Variants in HSPB9 observed in about 807,000 individuals in gnomAD.
The protein encoded by HSPB9 is heat shock protein family B (small) member 9.
For missense variants in HSPB9, 203 were observed against 213.4 expected, an observed-to-expected ratio of 0.95 and a Z score of 0.30; for synonymous variants, 98 against 92.7, an observed-to-expected ratio of 1.06 and a Z score of -0.33.
At position 42,123,247 on chromosome 17, in the gene HSPB9, G is replaced by T; in HGVS notation, c.397G>T (p.Ala133Ser). The stretch of plus-strand genomic sequence containing the variant: ...GCTGTGGGTCAGAGGCCAGTGTGTG[G>T]CGCTGGCCCTCCCTGAAGCCCAAAC... ...GQLWVRGQCVALALPEAQTGP... is the reference protein window; with the variant it reads ...GQLWVRGQCVSLALPEAQTGP... The change falls in exon 1 of 1, where the codon GCG becomes TCG. Residue 133 changes from alanine to serine, a missense_variant. Physicochemically the swap from Ala to Ser is moderately conservative, Grantham distance 99. Coordinates refer to ENST00000565659, the MANE Select transcript of HSPB9 (RefSeq NM_033194.3). 6.2e-7 allele frequency: 1 copy of T among 1,613,222 alleles called. No homozygotes were observed. Among genetic ancestry groups the T allele is most frequent in the Non-Finnish European group, 8.5e-7 (1 of 1,180,016 alleles).
chr17:42,123,208 A>C lies in HSPB9; in HGVS notation c.358A>C (p.Thr120Pro). The C allele has an allele frequency of 3.1e-6, 5 of 1,613,474 alleles. No homozygotes were observed. Among genetic ancestry groups the C allele is most frequent in the Non-Finnish European group, 4.2e-6 (5 of 1,179,918 alleles). The change falls in exon 1 of 1, where the codon ACC becomes CCC. Residue 120 changes from threonine to proline, a missense_variant. Thr to Pro is a conservative substitution (Grantham distance 38). Transcript: ENST00000565659. Reference sequence around the variant, plus strand: ...TCCTACCGCCATGACCTGCTGCCTGACCCCCTCCGGGCAGCTGTGGGTCAG... The same window carrying C: ...TCCTACCGCCATGACCTGCTGCCTGCCCCCCTCCGGGCAGCTGTGGGTCAG... ...LSPTAMTCCL[T>P]PSGQLWVRGQ...
chr17:42,122,819 C>T lies in HSPB9; in HGVS notation c.-32C>T, dbSNP rs782688330. 6.3e-7 allele frequency: 1 copy of T among 1,585,064 alleles called. No homozygotes were observed. The highest frequency in any genetic ancestry group is 2.2e-5 in the East Asian group (1 of 44,520). ...GCCTAGCTCTGCGCTGGGAGCCTCG[C>T]GCCCTTTGACAGCAGTTAGTTGCTG... On this transcript the variant is annotated 5_prime_UTR_variant, in exon 1 of 1. Coordinates refer to ENST00000565659, the MANE Select transcript of HSPB9 (RefSeq NM_033194.3).
rs61746680 is a variant in HSPB9, at chr17:42,123,150, G to A, written c.300G>A (p.Lys100=). ...PERVSYRMSQ[K]VHRKMLPSNL... ...GGGTCAGTTACCGCATGTCACAGAA[G>A]GTGCACCGGAAAATGCTCCCGTCCA... The change falls in exon 1 of 1, where the codon AAG becomes AAA. Residue 100 remains lysine (K), a synonymous_variant. Coordinates refer to ENST00000565659, the MANE Select transcript of HSPB9 (RefSeq NM_033194.3). The A allele has an allele frequency of 1.2e-6, 2 of 1,614,052 alleles. No homozygotes were observed. Among genetic ancestry groups the A allele is most frequent in the African/African-American group, 2.7e-5 (2 of 74,926 alleles).
rs1122326 is a variant in HSPB9 at position 42,122,855 on chromosome 17, A to C, written c.5A>C (p.Gln2Pro). 0.24 allele frequency: 387,519 copies of C among 1,604,988 alleles called. 52,820 individuals carry two copies. Among genetic ancestry groups the C allele is most frequent in the African/African-American group, 0.61 (45,741 of 74,852 alleles). ...AGCAGTTAGTTGCTGACTCGGATGC[A>C]GAGAGTCGGTAACACCTTCTCCAAC... MQRVGNTFSNES... is the reference protein window; with the variant it reads MPRVGNTFSNES... The change falls in exon 1 of 1, where the codon CAG becomes CCG. Residue 2 changes from glutamine (Q) to proline (P), a missense_variant. Physicochemically the swap from Gln to Pro is moderately conservative, Grantham distance 76. Transcript: ENST00000565659.
At position 42,123,135 on chromosome 17, in the gene HSPB9, C is replaced by T; in HGVS notation, c.285C>T (p.Tyr95=). Residue 95 remains tyrosine (Y), a synonymous_variant, in exon 1 of 1, where the codon TAC becomes TAT. Transcript: ENST00000565659. ...TCAGGGACCCGGAAAGGGTCAGTTA[C>T]CGCATGTCACAGAAGGTGCACCGGA... ...LDVRDPERVS[Y]RMSQKVHRKM... The T allele has an allele frequency of 1.2e-6, 2 of 1,614,182 alleles. No individual in the cohort carries two copies. Among genetic ancestry groups the T allele is most frequent in the Non-Finnish European group, 1.7e-6 (2 of 1,180,024 alleles).
chr17:42,122,896 T>C lies in HSPB9; in HGVS notation c.46T>C (p.Ser16Pro). The change falls in exon 1 of 1, where the codon TCC becomes CCC. Residue 16 changes from serine (S) to proline (P), a missense_variant. Transcript: ENST00000565659. ...NTFSNESRVA[S>P]RCPSVGLAER... Reference sequence around the variant, plus strand: ...CTTCTCCAACGAGAGCCGGGTGGCATCCCGGTGTCCCAGCGTGGGCCTTGC... The same window carrying C: ...CTTCTCCAACGAGAGCCGGGTGGCACCCCGGTGTCCCAGCGTGGGCCTTGC... 6.2e-7 allele frequency: 1 copy of C among 1,613,296 alleles called. No homozygotes were observed. The highest frequency in any genetic ancestry group is 8.5e-7 in the Non-Finnish European group (1 of 1,179,536).
In HSPB9 at chr17:42,122,823, C is replaced by G; in HGVS notation, c.-28C>G. ...AGCTCTGCGCTGGGAGCCTCGCGCC[C>G]TTTGACAGCAGTTAGTTGCTGACTC... On this transcript the variant is annotated 5_prime_UTR_variant, in exon 1 of 1. Coordinates refer to ENST00000565659, the MANE Select transcript of HSPB9 (RefSeq NM_033194.3). The G allele has an allele frequency of 6.3e-7, 1 of 1,592,158 alleles. No homozygotes were observed.
Position 42,123,024 on chromosome 17 carries a change from G to C in HSPB9, c.174G>C (p.Leu58=). ...CCAGAGACGGTTTCCAAATGAAGCT[G>C]GATGCCCACGGCTTCGCCCCGGAGG... The part of the protein sequence containing the change: ...DHARDGFQMK[L]DAHGFAPEEL... The change falls in exon 1 of 1, where the codon CTG becomes CTC. Residue 58 remains leucine (L), a synonymous_variant. Coordinates refer to ENST00000565659, the MANE Select transcript of HSPB9 (RefSeq NM_033194.3). 1 of 1,614,246 alleles carries C rather than the reference G, an allele frequency of 6.2e-7. No individual in the cohort carries two copies. The highest frequency in any genetic ancestry group is 1.1e-5 in the South Asian group (1 of 91,088).
rs2054369886 is a variant in HSPB9, at chr17:42,122,849, GGATGCA to G, written c.2_7del (p.MetGln1_?2). 1 of 1,603,960 alleles carries G rather than the reference GGATGCA, an allele frequency of 6.2e-7. No homozygotes were observed. Among genetic ancestry groups the G allele is most frequent in the Non-Finnish European group, 8.5e-7 (1 of 1,173,088 alleles). On this transcript the variant is annotated start_lost and 5_prime_UTR_variant, in exon 1 of 1. Coordinates refer to ENST00000565659, the MANE Select transcript of HSPB9 (RefSeq NM_033194.3). ...TTTGACAGCAGTTAGTTGCTGACTC[GGATGCA>G]GAGAGTCGGTAACACCTTCTCCAAC...
chr17:42,123,189 C>A lies in HSPB9; in HGVS notation c.339C>A (p.Thr113=), dbSNP rs1247152628. 2.8e-5 allele frequency: 45 copies of A among 1,613,996 alleles called. No homozygotes were observed. The highest frequency in any genetic ancestry group is 3.7e-5 in the Non-Finnish European group (44 of 1,180,044). ...RKMLPSNLSP[T]AMTCCLTPSG... ...TGCTCCCGTCCAACCTGAGTCCTAC[C>A]GCCATGACCTGCTGCCTGACCCCCT... Residue 113 remains threonine (T), a synonymous_variant, in exon 1 of 1, where the codon ACC becomes ACA. Coordinates refer to ENST00000565659, the MANE Select transcript of HSPB9 (RefSeq NM_033194.3).
rs545316286 is a variant in HSPB9 at position 42,123,337 on chromosome 17, G to C, written c.*7G>C. On this transcript the variant is annotated 3_prime_UTR_variant, in exon 1 of 1. Transcript: ENST00000565659. ...TTCCAACCTGACCCGGTAAACAAAC[G>C]ACGCGATGTGCAGCAGCCTTGGTGT... is the stretch of plus-strand genomic sequence containing the variant. 2 of 1,596,466 alleles carry C rather than the reference G, an allele frequency of 1.3e-6. No homozygotes were observed. The highest frequency in any genetic ancestry group is 1.3e-5 in the African/African-American group (1 of 74,696).
chr17:42,122,893 G>T lies in HSPB9; in HGVS notation c.43G>T (p.Ala15Ser), dbSNP rs1225189387. ...GNTFSNESRVASRCPSVGLAE... is the reference protein window; with the variant it reads ...GNTFSNESRVSSRCPSVGLAE... Reference sequence around the variant, plus strand: ...CACCTTCTCCAACGAGAGCCGGGTGGCATCCCGGTGTCCCAGCGTGGGCCT... The same window carrying T: ...CACCTTCTCCAACGAGAGCCGGGTGTCATCCCGGTGTCCCAGCGTGGGCCT... Residue 15 changes from alanine to serine, a missense_variant, in exon 1 of 1, where the codon GCA (alanine) becomes TCA (serine). Coordinates refer to ENST00000565659, the MANE Select transcript of HSPB9 (RefSeq NM_033194.3). 1.3e-5 allele frequency: 21 copies of T among 1,613,034 alleles called. No individual in the cohort carries two copies. Among genetic ancestry groups the T allele is most frequent in the Non-Finnish European group, 1.8e-5 (21 of 1,179,468 alleles).
chr17:42,123,243 T>C lies in HSPB9; in HGVS notation c.393T>C (p.Cys131=). The change falls in exon 1 of 1, where the codon TGT becomes TGC. Residue 131 remains cysteine (C), a synonymous_variant. Coordinates refer to ENST00000565659, the MANE Select transcript of HSPB9 (RefSeq NM_033194.3). ...GGCAGCTGTGGGTCAGAGGCCAGTG[T>C]GTGGCGCTGGCCCTCCCTGAAGCCC... The part of the protein sequence containing the change: ...PSGQLWVRGQ[C]VALALPEAQT... 3.1e-6 allele frequency: 5 copies of C among 1,613,316 alleles called. No individual in the cohort carries two copies. The highest frequency in any genetic ancestry group is 4.2e-6 in the Non-Finnish European group (5 of 1,179,994).
Position 42,122,816 on chromosome 17 carries a change from T to C in HSPB9, c.-35T>C, listed in dbSNP as rs782508828. On this transcript the variant is annotated 5_prime_UTR_variant, in exon 1 of 1. Transcript: ENST00000565659. ...TGCGCCTAGCTCTGCGCTGGGAGCC[T>C]CGCGCCCTTTGACAGCAGTTAGTTG... 6.3e-7 allele frequency: 1 copy of C among 1,582,508 alleles called. No individual in the cohort carries two copies. The highest frequency in any genetic ancestry group is 1.2e-5 in the South Asian group (1 of 86,212).
chr17:42,123,250 C>A lies in HSPB9; in HGVS notation c.400C>A (p.Leu134Met), dbSNP rs373080876. 3 of 1,613,080 alleles carry A rather than the reference C, an allele frequency of 1.9e-6. No individual in the cohort carries two copies. The highest frequency in any genetic ancestry group is 2.2e-5 in the South Asian group (2 of 91,086). Residue 134 changes from leucine to methionine, a missense_variant, in exon 1 of 1, where the codon CTG becomes ATG. Physicochemically the swap from Leu to Met is conservative, Grantham distance 15. Transcript: ENST00000565659. ...QLWVRGQCVALALPEAQTGPS... is the reference protein window; with the variant it reads ...QLWVRGQCVAMALPEAQTGPS... Reference sequence around the variant, plus strand: ...GTGGGTCAGAGGCCAGTGTGTGGCGCTGGCCCTCCCTGAAGCCCAAACAGG... The same window carrying A: ...GTGGGTCAGAGGCCAGTGTGTGGCGATGGCCCTCCCTGAAGCCCAAACAGG...
the HSPB9 span, chr17:42,122,957 TGCTCAGGGACAGTCCAGCG>T: frequency 1.2e-6 from 2 of 1,614,108 alleles, no homozygotes; most frequent in Non-Finnish European, 1.7e-6. Flanking sequence ...CCGGTGCGGC[TGCTCAGGGACAGTCCAGCG>T]GCTCAGGAGG....
chr17:42,123,239 A>T lies in HSPB9; in HGVS notation c.389A>T (p.Gln130Leu). 2 of 1,613,344 alleles carry T rather than the reference A, an allele frequency of 1.2e-6. No homozygotes were observed. Among genetic ancestry groups the T allele is most frequent in the Non-Finnish European group, 1.7e-6 (2 of 1,179,988 alleles). ...TPSGQLWVRG[Q>L]CVALALPEAQ... The stretch of plus-strand genomic sequence containing the variant: ...TCCGGGCAGCTGTGGGTCAGAGGCC[A>T]GTGTGTGGCGCTGGCCCTCCCTGAA... The change falls in exon 1 of 1, where the codon CAG becomes CTG. Residue 130 changes from glutamine (Q) to leucine (L), a missense_variant. Gln to Leu is a moderately radical substitution (Grantham distance 113). Transcript: ENST00000565659.
At position 42,123,045 on chromosome 17, in the gene HSPB9, G is replaced by A. The variant is rs1448406232; in HGVS notation, c.195G>A (p.Pro65=). The A allele has an allele frequency of 1.1e-5, 18 of 1,614,116 alleles. No individual in the cohort carries two copies. Among genetic ancestry groups the A allele is most frequent in the African/African-American group, 2.7e-5 (2 of 74,952 alleles). Residue 65 remains proline (P), a synonymous_variant, in exon 1 of 1, where the codon CCG becomes CCA. Coordinates refer to ENST00000565659, the MANE Select transcript of HSPB9 (RefSeq NM_033194.3). ...QMKLDAHGFA[P]EELVVQVDGQ... is the part of the protein sequence containing the mutation. The stretch of plus-strand genomic sequence containing the variant: ...AGCTGGATGCCCACGGCTTCGCCCC[G>A]GAGGAACTGGTGGTGCAGGTGGATG...
Position 42,123,351 on chromosome 17 carries a change from C to CA in HSPB9, c.*22dup. On this transcript the variant is annotated 3_prime_UTR_variant, in exon 1 of 1. Coordinates refer to ENST00000565659, the MANE Select transcript of HSPB9 (RefSeq NM_033194.3). The stretch of plus-strand genomic sequence containing the variant: ...GGTAAACAAACGACGCGATGTGCAG[C>CA]AGCCTTGGTGTCCGTTGTCTTTTCT... The CA allele has an allele frequency of 6.3e-7, 1 of 1,592,414 alleles. No individual in the cohort carries two copies. Among genetic ancestry groups the CA allele is most frequent in the Non-Finnish European group, 8.5e-7 (1 of 1,171,770 alleles).
Sources: gnomAD v4.1 joint callset for allele counts on GRCh38, gnomAD v4.1.1 for gene constraint, MANE v1.5 for transcripts, NCBI Gene and HGNC (gene_info 2026-07-23, HGNC 2026-07-21) for gene names.